Variants in POPDC3 observed in about 807,000 individuals in gnomAD.
POPDC3 encodes popeye domain-containing protein 3.
POPDC3 carries 20 observed loss-of-function variants against 28.2 expected under a neutral mutation model. The observed-to-expected ratio is 0.71, with a 90% CI of 0.50 to 1.03. The LOEUF (loss-of-function observed/expected upper bound fraction) is 1.03, where lower values mean the gene tolerates loss of function less well. Ranked by LOEUF, POPDC3 falls within the 50% of genes least tolerant of loss-of-function variation. The probability of loss-of-function intolerance (pLI) is 0.00; values close to 1 mark genes in which losing one functional copy is unlikely to be tolerated. For missense variants in POPDC3, 316 were observed against 345.9 expected, an observed-to-expected ratio of 0.91 and a Z score of 0.69; for synonymous variants, 118 against 124.1, an observed-to-expected ratio of 0.95 and a Z score of 0.33.
In POPDC3 at chr6:105,158,232, A is replaced by C; in HGVS notation, c.*238T>G. The C allele has an allele frequency of 2.3e-6, 1 of 440,652 alleles. No individual in the cohort carries two copies. Among genetic ancestry groups the C allele is most frequent in the Non-Finnish European group, 4.0e-6 (1 of 250,194 alleles). 27.3% of individuals were successfully genotyped at this position (440,652 alleles called of 1,614,324 possible). Reference sequence around the variant, plus strand: ...TCCCAGTTTTGATGCAGAAAAGGGCAAACTGCCCATAGTTATCCACCCCCT... The same window carrying C: ...TCCCAGTTTTGATGCAGAAAAGGGCCAACTGCCCATAGTTATCCACCCCCT... On this transcript the variant is annotated 3_prime_UTR_variant, in exon 4 of 4. Transcript: ENST00000254765.
intron 1 of POPDC3, among the ~76,000 whole-genome samples, chr6:105,177,904 T>C (rs1032870149): frequency 6.6e-6 from 1 of 152,248 alleles, no homozygotes; most frequent in African/African-American, 2.4e-5. Context: ...TGCATTTTTA[T>C]AGGTAATTTC....
intron 1 of POPDC3, chr6:105,179,280 A>G (rs1774737581): frequency 1.0e-6 from 1 of 983,782 alleles, no homozygotes; most frequent in Admixed American, 6.2e-5. Flanking sequence ...TTGTACCCCC[A>G]ACTCTGTGAG....
chr6:105,171,780 G>A (rs1399353183), intron 1 of POPDC3, among the ~76,000 whole-genome samples: 14 of 142,642 alleles, frequency 9.8e-5, no homozygotes, highest in Non-Finnish European at 2.2e-4. Context: ...TTTCAAAACT[G>A]TGATCTATTT....
At chr6:105,161,086 C>A (rs947114168) in intron 2 of POPDC3, among the ~76,000 whole-genome samples, 1 of 152,124 alleles carries the variant, frequency 6.6e-6, no homozygotes, top group African/African-American at 2.4e-5. Flanking sequence ...ATATTTTGCA[C>A]GCCAATATAA....
chr6:105,158,328 A>C lies in POPDC3; in HGVS notation c.*142T>G, dbSNP rs924713953. On this transcript the variant is annotated 3_prime_UTR_variant, in exon 4 of 4. Coordinates refer to ENST00000254765, the MANE Select transcript of POPDC3 (RefSeq NM_022361.5). ...ATTCACAATGCAGTTGTTGAAAGGA[A>C]TAAAACAGTTGGCAATGGCATCTCG... 2 of 664,502 alleles carry C rather than the reference A, an allele frequency of 3.0e-6. No homozygotes were observed. Among genetic ancestry groups the C allele is most frequent in the Non-Finnish European group, 4.9e-6 (2 of 409,384 alleles). The allele number at this position is 664,502 out of a possible 1,614,324, so 41.2% of individuals were successfully genotyped here.
At chr6:105,174,239 A>G (rs917800835) in intron 1 of POPDC3, among the ~76,000 whole-genome samples, 1 of 152,138 alleles carries the variant, frequency 6.6e-6, no homozygotes, top group Non-Finnish European at 1.5e-5. Flanking sequence ...GGGTTTTACA[A>G]TGTTGGCCAG....
chr6:105,165,509 C>T (rs1047802001), intron 1 of POPDC3, among the ~76,000 whole-genome samples: 2 of 152,206 alleles, frequency 1.3e-5, no homozygotes, highest in Non-Finnish European at 2.9e-5. Context: ...TGCAAGCACT[C>T]TGCCTTCTCC....
At chr6:105,164,522 G>A (rs1475650803) in intron 1 of POPDC3, among the ~76,000 whole-genome samples, 2 of 152,228 alleles carry the variant, frequency 1.3e-5, no homozygotes, top group African/African-American at 4.8e-5. Flanking sequence ...TTCTTCACTT[G>A]TGTTTTTATT....
At position 105,161,762 on chromosome 6, in the gene POPDC3, G is replaced by A. The variant is rs771683051; in HGVS notation, c.148C>T (p.Leu50Phe). 1 of 1,614,128 alleles carries A rather than the reference G, an allele frequency of 6.2e-7. No homozygotes were observed. Among genetic ancestry groups the A allele is most frequent in the Non-Finnish European group, 8.5e-7 (1 of 1,180,034 alleles). Residue 50 changes from leucine (L) to phenylalanine (F), a missense_variant, in exon 2 of 4, where the codon CTC becomes TTC. Leu to Phe is a conservative substitution (Grantham distance 22). Coordinates refer to ENST00000254765, the MANE Select transcript of POPDC3 (RefSeq NM_022361.5). Reference protein sequence around the residue: ...GFMGGSGFFGLLYVFSLLGLG... With the variant: ...GFMGGSGFFGFLYVFSLLGLG... ...CCCAGCAAACTGAAGACATAAAGGA[G>A]CCCGAAGAATCCACTGCCACCCATG...
rs999292554 is a variant in POPDC3, at chr6:105,158,252, C to G, written c.*218G>C. The stretch of plus-strand genomic sequence containing the variant: ...AGGGCAAACTGCCCATAGTTATCCA[C>G]CCCCTCCCCAATTATAACAATGAGA... On this transcript the variant is annotated 3_prime_UTR_variant, in exon 4 of 4. Coordinates refer to ENST00000254765, the MANE Select transcript of POPDC3 (RefSeq NM_022361.5). 4.1e-6 allele frequency: 2 copies of G among 487,034 alleles called. No individual in the cohort carries two copies. Among genetic ancestry groups the G allele is most frequent in the Non-Finnish European group, 3.6e-6 (1 of 277,234 alleles). The allele number at this position is 487,034 out of a possible 1,614,324, so 30.2% of individuals were successfully genotyped here. A position where few individuals can be genotyped will look rare whatever the true frequency, so the allele number is the denominator to read the frequency against.
At chr6:105,178,591 C>T in intron 1 of POPDC3, 1 of 192,112 alleles carries the variant, frequency 5.2e-6, no homozygotes. Context: ...CACACACACA[C>T]ACACACACAC....
intron 2 of POPDC3, 73 bp from the exon 3 acceptor site, chr6:105,159,892 A>C: frequency 1.0e-6 from 1 of 981,042 alleles, no homozygotes; most frequent in East Asian, 2.5e-5. Flanking sequence ...GGTGGGGGGT[A>C]GAGGAAGTGT....
chr6:105,173,590 C>A (rs2114546502), intron 1 of POPDC3, among the ~76,000 whole-genome samples: 1 of 152,248 alleles, frequency 6.6e-6, no homozygotes, highest in East Asian at 1.9e-4. Context: ...ATTTTTCAAG[C>A]AAGAAAACCT....
At position 105,175,040 on chromosome 6, in the gene POPDC3, G is replaced by A. The variant is rs570090882; in HGVS notation, c.-252+4793C>T. ...AAATGAGCCGGGCGTGGTGGCACACGCCTGTAATCCCAGCTACTCAGGAGG... is the reference window on the plus strand; with the variant it reads ...AAATGAGCCGGGCGTGGTGGCACACACCTGTAATCCCAGCTACTCAGGAGG... On this transcript the variant is annotated intron_variant, in intron 1 of 3. Transcript: ENST00000254765. Among the ~76,000 whole-genome samples, 15 of 151,960 alleles carry A rather than the reference G, an allele frequency of 9.9e-5. 1 individual carries two copies. Among genetic ancestry groups the A allele is most frequent in the African/African-American group, 3.4e-4 (14 of 41,414 alleles).
At chr6:105,174,466 A>G (rs1774644777) in intron 1 of POPDC3, among the ~76,000 whole-genome samples, 1 of 152,256 alleles carries the variant, frequency 6.6e-6, no homozygotes, top group Non-Finnish European at 1.5e-5. Context: ...CCAAATGGTC[A>G]TTCAAGTACA....
chr6:105,166,596 C>T (rs1341039954), intron 1 of POPDC3: 3 of 471,072 alleles, frequency 6.4e-6, no homozygotes, highest in African/African-American at 6.0e-5. Context: ...TCCTTTACCT[C>T]GGTGAAAAGA....
chr6:105,158,857 T>A (rs1173075006), intron 3 of POPDC3, 106 bp from the exon 4 acceptor site: 2 of 1,073,672 alleles, frequency 1.9e-6, no homozygotes, highest in East Asian at 2.4e-5. Flanking sequence ...GCCTTTTTTT[T>A]AGGTTGAAAA....
intron 1 of POPDC3, among the ~76,000 whole-genome samples, chr6:105,164,944 T>C (rs936394251): frequency 1.3e-5 from 2 of 152,220 alleles, no homozygotes; most frequent in African/African-American, 4.8e-5. Context: ...AAATGCAAAG[T>C]AAACCTGCTG....
At chr6:105,174,371 C>A (rs900662149) in intron 1 of POPDC3, among the ~76,000 whole-genome samples, 11 of 152,150 alleles carry the variant, frequency 7.2e-5, no homozygotes, top group Non-Finnish European at 1.3e-4. Flanking sequence ...GACTTCTCTA[C>A]AGCTACATTA....
Sources: allele counts gnomAD v4.1 joint callset (sites outside exome capture counted in the v4.1 genomes callset), GRCh38; gene constraint gnomAD v4.1.1; transcripts MANE v1.5; gene names NCBI Gene and HGNC (gene_info 2026-07-23, HGNC 2026-07-21).